The following NDUFA10 variants were observed in gnomAD, a reference collection of about 807,000 sequenced individuals.
NDUFA10 encodes the protein NADH:ubiquinone oxidoreductase subunit A10, also known as NADH dehydrogenase [ubiquinone] 1 alpha subcomplex subunit 10, mitochondrial.
Under a neutral mutation model 47.8 loss-of-function variants are expected in NDUFA10, and 40 were observed. The observed-to-expected ratio is 0.84, with a 90% CI of 0.65 to 1.09. The LOEUF is 1.09. Ranked by LOEUF, NDUFA10 falls within the 50% of genes least tolerant of loss-of-function variation. NDUFA10 has a pLI of 0.00. For synonymous variants in NDUFA10, 183 were observed against 172.2 expected, an observed-to-expected ratio of 1.06 and a Z score of -0.49; for missense variants, 413 against 451.1, an observed-to-expected ratio of 0.92 and a Z score of 0.76.
At chr2:239,913,685 A>T (rs1693792386) in intron 4 of NDUFA10, among the ~76,000 whole-genome samples, 2 of 152,188 alleles carry the variant, frequency 1.3e-5, no homozygotes, top group Non-Finnish European at 2.9e-5. Flanking sequence ...GTAACACTAC[A>T]GGCTGAACCG....
chr2:239,967,977 T>TACAC (rs1380084722), intron 9 of NDUFA10, among the ~76,000 whole-genome samples: 1,884 of 139,626 alleles, frequency 0.013, 42 homozygotes, highest in African/African-American at 0.046. Context: ...AGGAAAAAAA[T>TACAC]ATACACACAC....
rs576593407 is a variant in NDUFA10, at chr2:239,998,686, C to T, written c.890+6524G>A. On this transcript the variant is annotated intron_variant, in intron 8 of 9. Coordinates refer to ENST00000252711, the MANE Select transcript of NDUFA10 (RefSeq NM_004544.4). ...GTAGTTGCGAAGCAGAGGATTCCTACGTGACCAGCCCCCAGTAAAAATTAC... is the reference window on the plus strand; with the variant it reads ...GTAGTTGCGAAGCAGAGGATTCCTATGTGACCAGCCCCCAGTAAAAATTAC... Among the ~76,000 whole-genome samples the T allele has an allele frequency of 1.1e-4, 16 of 152,290 alleles. No individual in the cohort carries two copies. The Middle Eastern group carries it at 0.02, about 194-fold the overall frequency.
In NDUFA10 at chr2:240,022,242, T is replaced by G; in HGVS notation, c.174A>C (p.Arg58Ser). ...KASKRLTERS[R>S]VITVDGNICT... ...ATATATTGCCATCTACAGTTATCACTCTGCTGCGTTCTGTCAGTCTTTTGC... is the reference window on the plus strand; with the variant it reads ...ATATATTGCCATCTACAGTTATCACGCTGCTGCGTTCTGTCAGTCTTTTGC... The change falls in exon 2 of 10, where the codon AGA becomes AGC. Residue 58 changes from arginine (R) to serine (S), a missense_variant. Physicochemically the swap from Arg to Ser is moderately radical, Grantham distance 110. Coordinates refer to ENST00000252711, the MANE Select transcript of NDUFA10 (RefSeq NM_004544.4). 6.2e-7 allele frequency: 1 copy of G among 1,614,142 alleles called. No homozygotes were observed.
chr2:239,953,609 A>T (rs547594836), downstream of NDUFA10, among the ~76,000 whole-genome samples: 1 of 114,848 alleles, frequency 8.7e-6, no homozygotes, highest in Non-Finnish European at 1.9e-5. Context: ...CTGGACACTC[A>T]CAGTTTGCTC....
chr2:239,959,138 C>T lies in NDUFA10; in HGVS notation c.*1980G>A. ...AAATCAAACAGACGAATGTCCTCAG[C>T]ACTACAAATTACATACTTCCCACTC... On this transcript the variant is annotated 3_prime_UTR_variant, in exon 10 of 10. Transcript: ENST00000252711. 1.0e-6 allele frequency: 1 copy of T among 985,452 alleles called. No individual in the cohort carries two copies. Among genetic ancestry groups the T allele is most frequent in the Non-Finnish European group, 1.2e-6 (1 of 829,940 alleles). The allele number at this position is 985,452 out of a possible 1,614,324, so 61.0% of individuals were successfully genotyped here.
intron 9 of NDUFA10, chr2:239,983,627 G>C (rs747722019): frequency 2.5e-6 from 4 of 1,587,258 alleles, no homozygotes; most frequent in Admixed American, 3.6e-5. Flanking sequence ...CCCACGGTCA[G>C]GGCCACGGTG....
At chr2:239,897,296 G>A (rs1230095935) in intron 4 of NDUFA10, among the ~76,000 whole-genome samples, 1 of 151,844 alleles carries the variant, frequency 6.6e-6, no homozygotes, top group African/African-American at 2.4e-5. Flanking sequence ...AAAAATTCAA[G>A]AAAAATCCTA....
intron 4 of NDUFA10, among the ~76,000 whole-genome samples, chr2:239,901,260 C>A (rs574940346): frequency 2.0e-4 from 30 of 152,238 alleles, no homozygotes; most frequent in African/African-American, 7.2e-4. Context: ...GTAATCCCAG[C>A]ACTTTGGGAG....
At chr2:239,921,777 G>T (rs941498380) in intron 4 of NDUFA10, among the ~76,000 whole-genome samples, 1 of 152,124 alleles carries the variant, frequency 6.6e-6, no homozygotes, top group Non-Finnish European at 1.5e-5. Context: ...AGTTCCCTCT[G>T]GGTGAGGCCT....
At chr2:239,937,047 C>G (rs1386501418) in intron 4 of NDUFA10, among the ~76,000 whole-genome samples, 1 of 152,168 alleles carries the variant, frequency 6.6e-6, no homozygotes, top group African/African-American at 2.4e-5. Context: ...TGTCCATGGC[C>G]ACATGCCCCC....
chr2:239,905,960 G>T (rs1484557888), intron 4 of NDUFA10, among the ~76,000 whole-genome samples: 1 of 152,006 alleles, frequency 6.6e-6, no homozygotes, highest in Non-Finnish European at 1.5e-5. Context: ...TGCAAAAAGA[G>T]ATCGCAGCCC....
intron 9 of NDUFA10, among the ~76,000 whole-genome samples, chr2:239,965,570 G>A (rs1327189483): frequency 6.6e-6 from 1 of 152,168 alleles, no homozygotes; most frequent in African/African-American, 2.4e-5. Context: ...ACGCTTTCCC[G>A]GATCTGCTCG....
intron 4 of NDUFA10, among the ~76,000 whole-genome samples, chr2:239,920,014 G>C (rs1165327934): frequency 1.3e-5 from 2 of 152,106 alleles, no homozygotes; most frequent in African/African-American, 2.4e-5. Flanking sequence ...GTGAGATTGG[G>C]GGCCCCCTCA....
At position 239,963,287 on chromosome 2, in the gene NDUFA10, G is replaced by A. The variant is rs527268127; in HGVS notation, c.1000-2101C>T. Among the ~76,000 whole-genome samples, 44 of 152,368 alleles carry A rather than the reference G, an allele frequency of 2.9e-4. 1 individual carries two copies. In the South Asian group the frequency reaches 8.9e-3, roughly 31 times the overall value. ...TTGTGGGATCCCAGGAGGGGGCGCA[G>A]GCAGCTAGTCTGGCAGAGTCCAGGG... On this transcript the variant is annotated intron_variant, in intron 9 of 9. Transcript: ENST00000252711.
In NDUFA10 at chr2:239,934,018, C is replaced by T. The variant is rs957124796; in HGVS notation, c.295-38704G>A. Among the ~76,000 whole-genome samples the T allele has an allele frequency of 3.9e-5, 6 of 152,118 alleles. No homozygotes were observed. The East Asian group carries it at 5.8e-4, about 15-fold the overall frequency. On this transcript the variant is annotated intron_variant, in intron 4 of 5. Coordinates refer to the NDUFA10 transcript ENST00000419408. ...GACTACAGGTGCACACTGCCAGGCC[C>T]GGATAATTTATTAATTTTTGTAGAG...
chr2:239,908,830 C>T (rs759979611), intron 4 of NDUFA10, among the ~76,000 whole-genome samples: 5 of 152,176 alleles, frequency 3.3e-5, no homozygotes, highest in South Asian at 2.1e-4. Flanking sequence ...CGACAGCCAT[C>T]GTGGCACCTG....
intron 4 of NDUFA10, among the ~76,000 whole-genome samples, chr2:239,908,145 G>T (rs1438281947): frequency 6.6e-6 from 1 of 152,040 alleles, no homozygotes; most frequent in Non-Finnish European, 1.5e-5. Flanking sequence ...ACTATCGCAA[G>T]GACAGAAAAC....
At chr2:239,926,515 A>T (rs1009661571) in intron 4 of NDUFA10, among the ~76,000 whole-genome samples, 1 of 152,230 alleles carries the variant, frequency 6.6e-6, no homozygotes, top group Non-Finnish European at 1.5e-5. Flanking sequence ...AATTATGTAC[A>T]GTACATAATA....
Position 240,016,888 on chromosome 2 carries a change from C to T in NDUFA10, c.547+1665G>A, listed in dbSNP as rs1405679644. ...CACACTCAGGAATCCAACGCCCAAA[C>T]ATGAAGCCACATCGGTCCACTGCCC... On this transcript the variant is annotated intron_variant, in intron 4 of 9. Coordinates refer to ENST00000252711, the MANE Select transcript of NDUFA10 (RefSeq NM_004544.4). The surrounding 1 kb of genome is among the most constrained non-coding windows in gnomAD (Gnocchi z 4.4). Among the ~76,000 whole-genome samples, 1 of 152,158 alleles carries T rather than the reference C, an allele frequency of 6.6e-6. No individual in the cohort carries two copies. The highest frequency in any genetic ancestry group is 1.5e-5 in the Non-Finnish European group (1 of 68,018).
Sources: allele counts gnomAD v4.1 joint callset (sites outside exome capture counted in the v4.1 genomes callset), GRCh38; gene constraint gnomAD v4.1.1; non-coding constraint Gnocchi (gnomAD v3.1); transcripts MANE v1.5; gene names NCBI Gene and HGNC (gene_info 2026-07-23, HGNC 2026-07-21).